The following CDH13 variants were observed in gnomAD, a reference collection of about 807,000 sequenced individuals.
CDH13 encodes cadherin-13.
Under a neutral mutation model 63.8 loss-of-function variants are expected in CDH13, and 24 were observed. The ratio of observed to expected loss-of-function variants is 0.38; its 90% CI spans 0.27 to 0.53. CDH13 has a LOEUF of 0.53. Among genes scored for constraint, CDH13 ranks in the 20% least tolerant of loss-of-function variants. CDH13 has a pLI of 0.85. For synonymous variants in CDH13, 503 were observed against 355.3 expected (o/e 1.42, Z -4.67); for missense variants, 1,049 against 903.1 (o/e 1.16, Z -2.07).
chr16:82,997,213 T>C (rs549818870), intron 2 of CDH13, among the ~76,000 whole-genome samples: 1 of 152,190 alleles, frequency 6.6e-6, no homozygotes, highest in East Asian at 1.9e-4. Context: ...ATGATAATGA[T>C]GGTAATGGGT....
chr16:83,484,012 C>T lies in CDH13; in HGVS notation c.782-2465C>T, dbSNP rs116254549. The stretch of plus-strand genomic sequence containing the variant: ...CTTGCCCTGAGACCATCTCACAGGG[C>T]AAAGAAGCTAGGTGGATAGGAAGTG... On this transcript the variant is annotated intron_variant, in intron 6 of 13. Transcript: ENST00000567109. Among the ~76,000 whole-genome samples the T allele has an allele frequency of 2.7e-3, 406 of 152,236 alleles. 1 individual carries two copies. Among genetic ancestry groups the T allele is most frequent in the African/African-American group, 9.6e-3 (398 of 41,538 alleles).
chr16:83,147,205 C>T (rs574082904), intron 4 of CDH13, among the ~76,000 whole-genome samples: 57 of 152,324 alleles, frequency 3.7e-4, no homozygotes, highest in African/African-American at 1.3e-3. Flanking sequence ...GATCAGACAT[C>T]ACCAACTGTA....
intron 5 of CDH13, among the ~76,000 whole-genome samples, chr16:83,302,684 G>A (rs987683541): frequency 2.6e-5 from 4 of 152,194 alleles, no homozygotes; most frequent in Non-Finnish European, 5.9e-5. Context: ...GTCTAAGAGT[G>A]GAGTCAGATA....
At chr16:83,354,083 A>G (rs934646806) in intron 6 of CDH13, among the ~76,000 whole-genome samples, 31 of 152,368 alleles carry the variant, frequency 2.0e-4, no homozygotes, top group African/African-American at 7.2e-4. Context: ...TGATCATTCT[A>G]CAGTCTTTTG....
chr16:83,762,611 C>A (rs1345850), intron 11 of CDH13, among the ~76,000 whole-genome samples: 40,033 of 152,018 alleles, frequency 0.26, 5,473 homozygotes, highest in Non-Finnish European at 0.31. Flanking sequence ...CAGGCGATTT[C>A]TCGTAAGGGT....
At chr16:83,771,866 T>C (rs757504182) in intron 11 of CDH13, among the ~76,000 whole-genome samples, 6 of 152,162 alleles carry the variant, frequency 3.9e-5, no homozygotes, top group Non-Finnish European at 8.8e-5. Flanking sequence ...TATTAGGAGG[T>C]AAAATTAAAA....
chr16:83,515,459 G>A (rs182572899), intron 7 of CDH13, among the ~76,000 whole-genome samples: 12 of 152,236 alleles, frequency 7.9e-5, no homozygotes, highest in Admixed American at 4.6e-4. Flanking sequence ...AGTCTTTTCC[G>A]TGACACAATT....
chr16:82,928,610 T>A (rs2042381465), intron 2 of CDH13, among the ~76,000 whole-genome samples: 1 of 152,238 alleles, frequency 6.6e-6, no homozygotes, highest in Non-Finnish European at 1.5e-5. Flanking sequence ...GAGAATTATG[T>A]TTTTTCAACA....
intron 5 of CDH13, among the ~76,000 whole-genome samples, chr16:83,305,639 G>A (rs185240100): frequency 1.3e-5 from 2 of 152,296 alleles, no homozygotes; most frequent in Non-Finnish European, 1.5e-5. Context: ...CAGGCGACAT[G>A]GCATGTGACT....
chr16:83,711,884 A>G (rs975917117), intron 10 of CDH13, among the ~76,000 whole-genome samples: 1 of 152,248 alleles, frequency 6.6e-6, no homozygotes, highest in African/African-American at 2.4e-5. Flanking sequence ...ACAAAGTACC[A>G]TAGACTGAGC....
chr16:83,730,782 T>TAC (rs758215307), intron 10 of CDH13, among the ~76,000 whole-genome samples: 31 of 152,316 alleles, frequency 2.0e-4, no homozygotes, highest in Middle Eastern at 3.4e-3. Context: ...GTGTGCATAG[T>TAC]ACCCGATAGT....
intron 6 of CDH13, among the ~76,000 whole-genome samples, chr16:83,455,695 T>A (rs1436244491): frequency 6.6e-6 from 1 of 152,138 alleles, no homozygotes; most frequent in Admixed American, 6.5e-5. Context: ...ATCCTATATG[T>A]CAGTGGCATT....
intron 5 of CDH13, among the ~76,000 whole-genome samples, chr16:83,241,014 A>AT (rs1811967479): frequency 6.6e-6 from 1 of 152,130 alleles, no homozygotes; most frequent in African/African-American, 2.4e-5. Flanking sequence ...CTTAGCAACC[A>AT]TCTTCTCACT....
At chr16:83,060,072 A>G (rs774172001) in intron 3 of CDH13, among the ~76,000 whole-genome samples, 3 of 151,952 alleles carry the variant, frequency 2.0e-5, no homozygotes, top group Non-Finnish European at 4.4e-5. Context: ...GGGATTACAA[A>G]CGTGAGCCAC....
At chr16:83,378,991 C>CTATA (rs746691777) in intron 6 of CDH13, among the ~76,000 whole-genome samples, 1 of 146,242 alleles carries the variant, frequency 6.8e-6, no homozygotes, top group Non-Finnish European at 1.5e-5. Context: ...ACACATGCAT[C>CTATA]TATATATATA....
intron 5 of CDH13, among the ~76,000 whole-genome samples, chr16:83,327,944 A>G (rs1567594804): frequency 1.3e-5 from 2 of 152,246 alleles, no homozygotes; most frequent in South Asian, 4.1e-4. Flanking sequence ...CATCCTGGCT[A>G]ATACAGTGAA....
intron 6 of CDH13, among the ~76,000 whole-genome samples, chr16:83,395,859 C>T (rs1193518527): frequency 1.3e-5 from 2 of 152,090 alleles, no homozygotes; most frequent in African/African-American, 4.8e-5. Flanking sequence ...CATAGGTAAA[C>T]GTGTGTCAAG....
At position 83,728,342 on chromosome 16, in the gene CDH13, C is replaced by CGTGTGTGTGTGTGTGTGTGTGTGT. The variant is rs145865689; in HGVS notation, c.1539-19746_1539-19745insGTGTGTGTGTGTGTGTGTGTGTGT. On this transcript the variant is annotated intron_variant, in intron 10 of 13. Transcript: ENST00000567109. ...CTATGTGTGTATGTGTATGTGTGTG[C>CGTGTGTGTGTGTGTGTGTGTGTGT]GTGTGTGTGTGTGTGTGTGTTGTGA... Among the ~76,000 whole-genome samples the CGTGTGTGTGTGTGTGTGTGTGTGT allele has an allele frequency of 8.6e-4, 128 of 149,320 alleles. 1 individual carries two copies. Among genetic ancestry groups the CGTGTGTGTGTGTGTGTGTGTGTGT allele is most frequent in the African/African-American group, 1.7e-3 (70 of 40,518 alleles).
intron 2 of CDH13, among the ~76,000 whole-genome samples, chr16:83,021,828 G>A (rs1290693738): frequency 2.0e-5 from 3 of 152,144 alleles, no homozygotes; most frequent in African/African-American, 7.2e-5. Context: ...CTGACTCTAG[G>A]CCAAACATGG....
Sources: allele counts gnomAD v4.1 joint callset (sites outside exome capture counted in the v4.1 genomes callset), GRCh38; gene constraint gnomAD v4.1.1; transcripts MANE v1.5; gene names NCBI Gene and HGNC (gene_info 2026-07-23, HGNC 2026-07-21).